GRM7: variants seen among roughly 807,000 people sequenced by gnomAD.
GRM7 encodes glutamate metabotropic receptor 7.
Under a neutral mutation model 84.5 loss-of-function variants are expected in GRM7, and 35 were observed. The ratio of observed to expected loss-of-function variants is 0.41; its 90% CI spans 0.32 to 0.55. The LOEUF is 0.55. Among genes scored for constraint, GRM7 ranks in the 20% least tolerant of loss-of-function variants. The pLI, the probability that GRM7 is intolerant of heterozygous loss-of-function variation, is 0.19. For missense variants in GRM7, 1,003 were observed against 1,194.6 expected, an observed-to-expected ratio of 0.84 and a Z score of 2.36; for synonymous variants, 487 against 455.1, an observed-to-expected ratio of 1.07 and a Z score of -0.89.
chr3:7,367,449 T>G (rs1693943036), intron 4 of GRM7, among the ~76,000 whole-genome samples: 1 of 151,956 alleles, frequency 6.6e-6, no homozygotes, highest in Non-Finnish European at 1.5e-5. Flanking sequence ...TCCAACTCCC[T>G]TAATAAACAA....
chr3:7,089,335 TAGTTCCATATA>T (rs1240264786), intron 1 of GRM7, among the ~76,000 whole-genome samples: 1 of 152,224 alleles, frequency 6.6e-6, no homozygotes, highest in African/African-American at 2.4e-5. Flanking sequence ...GCATCAGCTA[TAGTTCCATATA>T]ATAGAGTTGT....
intron 8 of GRM7, among the ~76,000 whole-genome samples, chr3:7,639,310 G>T (rs757702462): frequency 6.6e-6 from 1 of 152,136 alleles, no homozygotes; most frequent in Non-Finnish European, 1.5e-5. Context: ...TTGCCCATGC[G>T]CAGCCGCAAG....
At chr3:7,318,152 T>G (rs1700648274) in intron 4 of GRM7, among the ~76,000 whole-genome samples, 1 of 152,122 alleles carries the variant, frequency 6.6e-6, no homozygotes, top group Non-Finnish European at 1.5e-5. Context: ...GTTCTGAAAC[T>G]TGTCCAAAAT....
chr3:7,668,892 C>T (rs1699812738), intron 8 of GRM7, among the ~76,000 whole-genome samples: 1 of 152,240 alleles, frequency 6.6e-6, no homozygotes, highest in Non-Finnish European at 1.5e-5. Flanking sequence ...TGGCCCATGC[C>T]TTTGATTTCA....
intron 2 of GRM7, among the ~76,000 whole-genome samples, chr3:7,230,622 T>C (rs1163408957): frequency 2.0e-5 from 3 of 152,306 alleles, no homozygotes; most frequent in Non-Finnish European, 1.5e-5. Flanking sequence ...AACTAGGGCA[T>C]AGATTAGAAG....
rs188969178 is a variant in GRM7 at position 7,018,756 on chromosome 3, A to G, written c.520-127696A>G. Reference sequence around the variant, plus strand: ...GAGTGGCACAAGAGATGTCCTATATATTAGGCAATGCCAATTCTCTAGGAA... The same window carrying G: ...GAGTGGCACAAGAGATGTCCTATATGTTAGGCAATGCCAATTCTCTAGGAA... On this transcript the variant is annotated intron_variant, in intron 1 of 9. Transcript: ENST00000357716. 5.9e-5 allele frequency among the ~76,000 whole-genome samples: 9 copies of G among 152,354 alleles called. No homozygotes were observed. In the East Asian group the frequency reaches 1.5e-3, roughly 26 times the overall value.
At chr3:6,975,757 A>T (rs1361161134) in intron 1 of GRM7, among the ~76,000 whole-genome samples, 1 of 152,126 alleles carries the variant, frequency 6.6e-6, no homozygotes, top group Non-Finnish European at 1.5e-5. Flanking sequence ...GATTAGGAAG[A>T]AGGTTCACAA....
chr3:7,499,761 T>A (rs1234336198), intron 7 of GRM7, among the ~76,000 whole-genome samples: 1 of 151,142 alleles, frequency 6.6e-6, no homozygotes, highest in African/African-American at 2.4e-5. Context: ...AATTGTAGAG[T>A]TGGCCTAGAC....
At chr3:7,289,976 G>A (rs1035689212) in intron 2 of GRM7, among the ~76,000 whole-genome samples, 3 of 151,760 alleles carry the variant, frequency 2.0e-5, no homozygotes, top group African/African-American at 7.3e-5. Context: ...CCTGCACGTT[G>A]TGCACATGTA....
At chr3:7,171,816 T>C in intron 2 of GRM7, among the ~76,000 whole-genome samples, 1 of 152,158 alleles carries the variant, frequency 6.6e-6, no homozygotes, top group East Asian at 1.9e-4. Flanking sequence ...ACCAAGTAAA[T>C]GCCAAGTGCA....
At chr3:7,711,657 A>G (rs1312647225) in intron 9 of GRM7, among the ~76,000 whole-genome samples, 4 of 152,202 alleles carry the variant, frequency 2.6e-5, no homozygotes, top group African/African-American at 9.6e-5. Context: ...CTCTGAATCA[A>G]TGAATCAACC....
intron 9 of GRM7, among the ~76,000 whole-genome samples, chr3:7,689,287 G>T (rs900067243): frequency 2.6e-5 from 4 of 152,082 alleles, no homozygotes; most frequent in Non-Finnish European, 1.5e-5. Context: ...GGATTATTTG[G>T]CAATTTTAAG....
At chr3:7,014,478 A>C (rs1299326402) in intron 1 of GRM7, among the ~76,000 whole-genome samples, 1 of 152,030 alleles carries the variant, frequency 6.6e-6, no homozygotes, top group Non-Finnish European at 1.5e-5. Context: ...AGTAGCTGGG[A>C]TTACAGAGGT....
At chr3:7,252,738 G>A (rs1698044188) in intron 2 of GRM7, among the ~76,000 whole-genome samples, 2 of 100,386 alleles carry the variant, frequency 2.0e-5, no homozygotes, top group Admixed American at 2.6e-4. Flanking sequence ...TGCCCAGCTG[G>A]AGTGCAGTGG....
chr3:7,330,342 T>G (rs1450402889), intron 4 of GRM7, among the ~76,000 whole-genome samples: 1 of 152,158 alleles, frequency 6.6e-6, no homozygotes, highest in Admixed American at 6.5e-5. Context: ...AACCCATTTC[T>G]GTGTTGATTT....
rs532880553 is a variant in GRM7, at chr3:6,928,534, A to G, written c.519+66627A>G. Reference sequence around the variant, plus strand: ...AGTTGCCAAGCAGATGTTTTTCCTAACCAAGTGCCATATACCTTTTAAAAT... The same window carrying G: ...AGTTGCCAAGCAGATGTTTTTCCTAGCCAAGTGCCATATACCTTTTAAAAT... On this transcript the variant is annotated intron_variant, in intron 1 of 9. Coordinates refer to ENST00000357716, the MANE Select transcript of GRM7 (RefSeq NM_000844.4). The surrounding 1 kb of genome is among the most constrained non-coding windows in gnomAD (Gnocchi z 4.5). Among the ~76,000 whole-genome samples the G allele has an allele frequency of 5.9e-5, 9 of 152,282 alleles. No homozygotes were observed. The South Asian group carries it at 1.7e-3, about 28-fold the overall frequency.
At chr3:7,631,078 G>T (rs550066722) in intron 8 of GRM7, among the ~76,000 whole-genome samples, 1 of 152,170 alleles carries the variant, frequency 6.6e-6, no homozygotes. Context: ...GCCAAACACC[G>T]TGGCCGCAGG....
At chr3:7,524,172 C>T (rs1325603098) in intron 7 of GRM7, among the ~76,000 whole-genome samples, 1 of 151,188 alleles carries the variant, frequency 6.6e-6, no homozygotes, top group Non-Finnish European at 1.5e-5. Flanking sequence ...TAGAAGAAAA[C>T]CTAGGCATTA....
At chr3:6,946,160 C>G (rs1440072366) in intron 1 of GRM7, among the ~76,000 whole-genome samples, 6 of 152,162 alleles carry the variant, frequency 3.9e-5, no homozygotes, top group Non-Finnish European at 7.3e-5. Context: ...ATCATATTGC[C>G]TAGCTTTCCT....
Sources: allele counts gnomAD v4.1 joint callset (sites outside exome capture counted in the v4.1 genomes callset), GRCh38; gene constraint gnomAD v4.1.1; non-coding constraint Gnocchi (gnomAD v3.1); transcripts MANE v1.5; gene names NCBI Gene and HGNC (gene_info 2026-07-23, HGNC 2026-07-21).